The following NF1 variants were observed in gnomAD, a reference collection of about 807,000 sequenced individuals.
NF1 encodes the protein neurofibromin.
Under a neutral mutation model 325.7 loss-of-function variants are expected in NF1, and 122 were observed. That is an observed-to-expected ratio of 0.37 (90% CI 0.32 to 0.44). The LOEUF (loss-of-function observed/expected upper bound fraction) is 0.44. Among genes scored for constraint, NF1 ranks in the 20% least tolerant of loss-of-function variants. NF1 has a pLI of 1.00. For missense variants in NF1, 2,140 were observed against 3,415.4 expected (o/e 0.63, Z 9.31); for synonymous variants, 1,091 against 1,186.0 (o/e 0.92, Z 1.65).
At chr17:31,156,166 C>T (rs901312979) in intron 2 of NF1, 40 bp downstream of exon 2, 1 of 1,609,756 alleles carries the variant, frequency 6.2e-7, no homozygotes, top group Non-Finnish European at 8.5e-7. Flanking sequence ...AATTTGCTTT[C>T]TTTTCTTTTT....
intron 1 of NF1, among the ~76,000 whole-genome samples, chr17:31,117,655 A>G (rs2064386287): frequency 7.0e-6 from 1 of 143,018 alleles, no homozygotes; most frequent in Non-Finnish European, 1.5e-5. Context: ...CCTGGGTGAC[A>G]GAGCAAAACT....
intron 25 of NF1, 133 bp from the exon 26 acceptor site, chr17:31,232,567 A>C: frequency 3.9e-5 from 32 of 819,446 alleles, no homozygotes; most frequent in Non-Finnish European, 5.2e-5. Flanking sequence ...CTGGCTGATT[A>C]TCGCGAGAGA....
In NF1 at chr17:31,326,234, C is replaced by T. The variant is rs1210732116; in HGVS notation, c.5250C>T (p.Asp1750=). 1 of 1,609,970 alleles carries T rather than the reference C, an allele frequency of 6.2e-7. No homozygotes were observed. The change falls in exon 37 of 58, where the codon GAC becomes GAT. Residue 1750 remains aspartate (D), a synonymous_variant. Coordinates refer to ENST00000358273, the MANE Select transcript of NF1 (RefSeq NM_001042492.3). The part of the protein sequence containing the change: ...FHNALKLAHK[D]TKVSIKVGST... ...ATGCTCTCAAGCTAGCTCACAAAGA[C>T]ACCAAAGTTTCTATTAAAGTAAGTT...
At chr17:31,272,460 C>T (rs2067918583) in intron 36 of NF1, 1 of 151,732 alleles carries the variant, frequency 6.6e-6, no homozygotes, top group Admixed American at 6.6e-5. Flanking sequence ...TTGGTGCTAC[C>T]ATTTGTCACA....
intron 1 of NF1, among the ~76,000 whole-genome samples, chr17:31,103,475 C>T (rs1912553488): frequency 6.6e-6 from 1 of 152,056 alleles, no homozygotes. Context: ...GAACTCCTGA[C>T]CTGAGGTGAT....
In NF1 at chr17:31,095,391, G is replaced by A. The variant is rs769174376; in HGVS notation, c.60+22G>A. 4.1e-5 allele frequency: 63 copies of A among 1,537,430 alleles called. No individual in the cohort carries two copies. Among genetic ancestry groups the A allele is most frequent in the Non-Finnish European group, 4.7e-5 (54 of 1,145,964 alleles). On this transcript the variant is annotated intron_variant, in intron 1 of 57. Transcript: ENST00000358273. ...GCAGGTAACCGGCCCGTGGCGGGCG[G>A]GAGGTGGGAGCGGAGTGGGGGTGGG...
chr17:31,322,894 A>G (rs944905281), intron 36 of NF1, among the ~76,000 whole-genome samples: 1 of 152,152 alleles, frequency 6.6e-6, no homozygotes, highest in African/African-American at 2.4e-5. Context: ...TGTCAACAGT[A>G]CTATTTTAGA....
Position 31,096,131 on chromosome 17 carries a change from TC to T in NF1, c.60+772del, listed in dbSNP as rs34969414. ...CCCTTCCTTGATAATTGCAGTCTCTTCCCCCCCCCCTTTTTTTTTTGCCAGC... is the reference window on the plus strand; with the variant it reads ...CCCTTCCTTGATAATTGCAGTCTCTTCCCCCCCCCTTTTTTTTTTGCCAGC... On this transcript the variant is annotated intron_variant, in intron 1 of 57. Coordinates refer to ENST00000358273, the MANE Select transcript of NF1 (RefSeq NM_001042492.3). 5.2e-3 allele frequency among the ~76,000 whole-genome samples: 737 copies of T among 140,428 alleles called. 6 individuals carry two copies. Among genetic ancestry groups the T allele is most frequent in the African/African-American group, 0.017 (612 of 36,694 alleles). The allele number at this position is 140,428 out of a possible 152,430, so 92.1% of individuals were successfully genotyped here. A position where few individuals can be genotyped will look rare whatever the true frequency, so the allele number is the denominator to read the frequency against.
intron 4 of NF1, among the ~76,000 whole-genome samples, chr17:31,168,153 T>C (rs1468759879): frequency 6.6e-6 from 1 of 152,180 alleles, no homozygotes; most frequent in Non-Finnish European, 1.5e-5. Flanking sequence ...CTATTCATTG[T>C]GGAAAAATGG....
chr17:31,139,375 GACACACACACACACACACACACACACAC>G (rs58863782), intron 1 of NF1, among the ~76,000 whole-genome samples: 1 of 144,082 alleles, frequency 6.9e-6, no homozygotes, highest in Non-Finnish European at 1.5e-5. Flanking sequence ...GTTTTACACA[GACACACACACACACACACACACACACAC>G]ACACACACAC....
intron 1 of NF1, among the ~76,000 whole-genome samples, chr17:31,145,043 C>T (rs1038003577): frequency 2.6e-5 from 4 of 152,192 alleles, no homozygotes; most frequent in South Asian, 2.1e-4. Flanking sequence ...GACCGCATCC[C>T]CTAGATTTTC....
intron 13 of NF1, among the ~76,000 whole-genome samples, chr17:31,218,700 T>G (rs1422938617): frequency 2.0e-5 from 3 of 152,140 alleles, no homozygotes; most frequent in African/African-American, 7.2e-5. Context: ...GCCTCCCAAG[T>G]GGCTGGGACC....
chr17:31,098,179 G>A (rs529249574), intron 1 of NF1, among the ~76,000 whole-genome samples: 1 of 150,466 alleles, frequency 6.6e-6, no homozygotes, highest in East Asian at 1.9e-4. Context: ...ATTCAAATTA[G>A]AGTTCACCTT....
chr17:31,199,798 A>C (rs1209079587), intron 8 of NF1, among the ~76,000 whole-genome samples: 1 of 152,168 alleles, frequency 6.6e-6, no homozygotes, highest in Non-Finnish European at 1.5e-5. Context: ...AGAAAGTATA[A>C]TATTTAGACT....
intron 36 of NF1, among the ~76,000 whole-genome samples, chr17:31,308,203 TC>T (rs1477765459): frequency 1.3e-5 from 2 of 151,998 alleles, no homozygotes; most frequent in Non-Finnish European, 2.9e-5. Flanking sequence ...AGTGGCATGA[TC>T]TTGTCTCGCT....
rs2151426116 is a variant in NF1, at chr17:31,226,661, C to G, written c.2228C>G (p.Ser743Cys). 1.2e-6 allele frequency: 2 copies of G among 1,613,810 alleles called. No individual in the cohort carries two copies. Among genetic ancestry groups the G allele is most frequent in the Non-Finnish European group, 1.7e-6 (2 of 1,179,764 alleles). The change falls in exon 18 of 58, where the codon TCT becomes TGT. Residue 743 changes from serine to cysteine, a missense_variant. Ser to Cys is a moderately radical substitution (Grantham distance 112, BLOSUM62 -1). Coordinates refer to ENST00000358273, the MANE Select transcript of NF1 (RefSeq NM_001042492.3). ...TATAACACATTCATGGAGTTTGCCT[C>G]TGTCAGCAATATGATGTCAACAGGT... ...PNYNTFMEFASVSNMMSTGRA... is the reference protein window; with the variant it reads ...PNYNTFMEFACVSNMMSTGRA...
chr17:31,195,229 A>G (rs2066413740), intron 8 of NF1, among the ~76,000 whole-genome samples: 1 of 152,084 alleles, frequency 6.6e-6, no homozygotes, highest in Admixed American at 6.6e-5. Flanking sequence ...TTCAGTTTAT[A>G]CTTTTTTTCC....
intron 34 of NF1, among the ~76,000 whole-genome samples, chr17:31,261,408 C>G (rs1201385055): frequency 6.6e-6 from 1 of 151,874 alleles, no homozygotes; most frequent in African/African-American, 2.4e-5. Context: ...GAGTTCCTTA[C>G]AAAGGAAGAA....
intron 8 of NF1, among the ~76,000 whole-genome samples, chr17:31,200,090 C>T (rs545261319): frequency 2.0e-5 from 3 of 150,364 alleles, no homozygotes; most frequent in East Asian, 2.0e-4. Flanking sequence ...GAGCCAAGAT[C>T]GTGCCTTTGT....
Sources: allele counts gnomAD v4.1 joint callset (sites outside exome capture counted in the v4.1 genomes callset), GRCh38; gene constraint gnomAD v4.1.1; transcripts MANE v1.5; gene names NCBI Gene and HGNC (gene_info 2026-07-23, HGNC 2026-07-21).